Variants in FSD1 observed in about 807,000 individuals in gnomAD.
FSD1 encodes the protein fibronectin type III and SPRY domain-containing protein 1.
Under a neutral mutation model 58.2 loss-of-function variants are expected in FSD1, and 23 were observed. The ratio of observed to expected loss-of-function variants is 0.40; its 90% CI spans 0.28 to 0.56. FSD1 has a LOEUF of 0.56. Among genes scored for constraint, FSD1 ranks in the 20% least tolerant of loss-of-function variants. FSD1 has a pLI of 0.54. For missense variants in FSD1, 563 were observed against 670.8 expected (o/e 0.84, Z 1.78); for synonymous variants, 265 against 263.4 (o/e 1.01, Z -0.06).
Position 4,323,499 on chromosome 19 carries a change from T to TGTGGGGGGGGGG in FSD1, c.1381-33_1381-32insTGGGGGGGGGGG. The TGTGGGGGGGGGG allele has an allele frequency of 1.3e-6, 2 of 1,577,824 alleles. No homozygotes were observed. The highest frequency in any genetic ancestry group is 1.7e-6 in the Non-Finnish European group (2 of 1,148,728). On this transcript the variant is annotated intron_variant, in intron 12 of 12. Transcript: ENST00000221856. This position sits in a 1 kb window ranked among gnomAD's most constrained non-coding sequence, Gnocchi z 7.7. ...GGTGCTGGGCGCTGGGGTTTGAAGC[T>TGTGGGGGGGGGG]GAGCCCCTCCCCCCTCCCCCCGCTG...
chr19:4,305,018 C>G (rs12979273), intron 1 of FSD1, among the ~76,000 whole-genome samples: 1 of 141,880 alleles, frequency 7.0e-6, no homozygotes, highest in African/African-American at 2.6e-5. Context: ...AGTCCCATCC[C>G]TGACCCCCAT....
At chr19:4,306,165 G>C (rs887597557) in intron 2 of FSD1, 33 bp from the exon 3 acceptor site, 2 of 1,613,738 alleles carry the variant, frequency 1.2e-6, no homozygotes, top group Non-Finnish European at 1.7e-6. Context: ...CTCTGAACAC[G>C]GGCTTTGGCC....
At position 4,323,388 on chromosome 19, in the gene FSD1, G is replaced by GGTT; in HGVS notation, c.1332_1333insGTT (p.Leu444_His445insVal). 6.2e-7 allele frequency: 1 copy of GGTT among 1,613,848 alleles called. No homozygotes were observed. Among genetic ancestry groups the GGTT allele is most frequent in the Non-Finnish European group, 8.5e-7 (1 of 1,179,878 alleles). On this transcript the variant is annotated inframe_insertion, in exon 12 of 13. Coordinates refer to ENST00000221856, the MANE Select transcript of FSD1 (RefSeq NM_024333.3). This position sits in a 1 kb window ranked among gnomAD's most constrained non-coding sequence, Gnocchi z 7.7. ...ACAATGCCCGCACCAAACAAGTGCT[G>GGTT]CACACTTTCAAGACCAGGTTCACAC...
Position 4,316,911 on chromosome 19 carries a change from C to T in FSD1, c.701-271C>T, listed in dbSNP as rs565756842. On this transcript the variant is annotated intron_variant, in intron 7 of 12. Coordinates refer to ENST00000221856, the MANE Select transcript of FSD1 (RefSeq NM_024333.3). ...GATTACAGGCACACACCACCACGCCCGGCTAATTTTTTGCATTTTTAGTAG... is the reference window on the plus strand; with the variant it reads ...GATTACAGGCACACACCACCACGCCTGGCTAATTTTTTGCATTTTTAGTAG... Among the ~76,000 whole-genome samples the T allele has an allele frequency of 2.1e-3, 318 of 152,152 alleles. 6 individuals carry two copies. The highest frequency in any genetic ancestry group is 0.021 in the Admixed American group (315 of 15,276).
rs1436617226 is a variant in FSD1 at position 4,323,829 on chromosome 19, A to G, written c.*186A>G. ...CACCTCACCTCTTAATAAAGGTCAG[A>G]CACTGGCCAGGCGAGGCCGCGGTGC... On this transcript the variant is annotated 3_prime_UTR_variant, in exon 13 of 13. Coordinates refer to ENST00000221856, the MANE Select transcript of FSD1 (RefSeq NM_024333.3). This position sits in a 1 kb window ranked among gnomAD's most constrained non-coding sequence, Gnocchi z 7.7. 8.1e-6 allele frequency: 5 copies of G among 614,164 alleles called. No homozygotes were observed. Among genetic ancestry groups the G allele is most frequent in the Non-Finnish European group, 1.1e-5 (4 of 348,936 alleles). The allele number at this position is 614,164 out of a possible 1,614,324, so 38.0% of individuals were successfully genotyped here. A position where few individuals can be genotyped will look rare whatever the true frequency, so the allele number is the denominator to read the frequency against.
At chr19:4,310,437 T>C (rs1463409777) in intron 5 of FSD1, 38 bp from the exon 6 acceptor site, 2 of 1,606,326 alleles carry the variant, frequency 1.2e-6, no homozygotes, top group South Asian at 2.2e-5. Flanking sequence ...TGACCAGGCC[T>C]GGTCCCCCAC....
chr19:4,310,547 G>A lies in FSD1; in HGVS notation c.441G>A (p.Val147=), dbSNP rs749843804. ...KVSDNMSHLM[V]DFAQERQMLQ... ...GTGACAACATGAGTCACCTCATGGT[G>A]GACTTCGCGCAAGAGCGGCAGATGC... The change falls in exon 6 of 13, where the codon GTG becomes GTA. Residue 147 remains valine, a synonymous_variant. Transcript: ENST00000221856. 3.7e-6 allele frequency: 6 copies of A among 1,613,810 alleles called. No individual in the cohort carries two copies. Among genetic ancestry groups the A allele is most frequent in the South Asian group, 1.1e-5 (1 of 91,082 alleles).
chr19:4,307,035 G>T (rs1971630173), intron 3 of FSD1, among the ~76,000 whole-genome samples: 2 of 152,180 alleles, frequency 1.3e-5, no homozygotes, highest in South Asian at 4.1e-4. Context: ...GAGCTCGGAT[G>T]TGGCCTAGGC....
chr19:4,317,338 C>T (rs774386785), intron 8 of FSD1, 58 bp downstream of exon 8: 27 of 1,029,110 alleles, frequency 2.6e-5, no homozygotes, highest in Non-Finnish European at 3.8e-5. Context: ...CTCCCACAGC[C>T]CCCAGAGACC....
Position 4,310,574 on chromosome 19 carries a change from A to G in FSD1, c.468A>G (p.Leu156=), listed in dbSNP as rs1326740560. The change falls in exon 6 of 13, where the codon CTA becomes CTG. Residue 156 remains leucine (L), a synonymous_variant. Coordinates refer to ENST00000221856, the MANE Select transcript of FSD1 (RefSeq NM_024333.3). ...ACTTCGCGCAAGAGCGGCAGATGCT[A>G]CAGGCACTCAAGTTCCTGCCTGGTG... ...MVDFAQERQM[L]QALKFLPVPS... 2.5e-6 allele frequency: 4 copies of G among 1,613,488 alleles called. No individual in the cohort carries two copies. The highest frequency in any genetic ancestry group is 1.7e-5 in the Admixed American group (1 of 60,002).
intron 10 of FSD1, among the ~76,000 whole-genome samples, chr19:4,322,387 T>A (rs1377975922): frequency 1.3e-5 from 2 of 150,774 alleles, no homozygotes; most frequent in Admixed American, 1.3e-4. Flanking sequence ...GAGGAATAGC[T>A]GGAGCCCAAG....
intron 7 of FSD1, among the ~76,000 whole-genome samples, chr19:4,316,660 C>T (rs953173924): frequency 4.6e-5 from 7 of 151,816 alleles, no homozygotes; most frequent in Admixed American, 1.3e-4. Context: ...GATTGGTCTA[C>T]GTGGGTTGGA....
intron 3 of FSD1, 61 bp from the exon 4 acceptor site, chr19:4,307,821 C>A: frequency 7.8e-7 from 1 of 1,285,600 alleles, no homozygotes; most frequent in Non-Finnish European, 1.1e-6. Flanking sequence ...GGTGGGGAGC[C>A]CTCAGGGGGC....
chr19:4,318,797 T>G, intron 9 of FSD1, 75 bp from the exon 10 acceptor site: 1 of 1,200,602 alleles, frequency 8.3e-7, no homozygotes, highest in Non-Finnish European at 1.2e-6. Context: ...TGGGGTGGAC[T>G]AGGGTAGCCT....
At chr19:4,317,383 CAGG>C in intron 8 of FSD1, 103 bp downstream of exon 8, 1 of 731,590 alleles carries the variant, frequency 1.4e-6, no homozygotes, top group East Asian at 2.6e-5. Context: ...CCCTGGCTGC[CAGG>C]AAGCTCAAAG....
At chr19:4,320,716 C>G (rs758310382) in intron 10 of FSD1, among the ~76,000 whole-genome samples, 2 of 146,772 alleles carry the variant, frequency 1.4e-5, no homozygotes, top group Non-Finnish European at 3.0e-5. Context: ...GGAATAGCTG[C>G]AGCCTGAGGA....
At position 4,309,863 on chromosome 19, in the gene FSD1, C is replaced by T. The variant is rs1438984413; in HGVS notation, c.346-410C>T. On this transcript the variant is annotated intron_variant, in intron 4 of 12. Coordinates refer to ENST00000221856, the MANE Select transcript of FSD1 (RefSeq NM_024333.3). ...GGCGGAGCTTGCAGTGAGCCGAGATCGTGCCACTGCACTCCAGCCTGAACG... is the reference window on the plus strand; with the variant it reads ...GGCGGAGCTTGCAGTGAGCCGAGATTGTGCCACTGCACTCCAGCCTGAACG... Among the ~76,000 whole-genome samples the T allele has an allele frequency of 4.7e-5, 7 of 148,330 alleles. No homozygotes were observed. In the South Asian group the frequency reaches 8.5e-4, roughly 18 times the overall value.
At chr19:4,305,036 G>A (rs1173715346) in intron 1 of FSD1, among the ~76,000 whole-genome samples, 1 of 39,508 alleles carries the variant, frequency 2.5e-5, no homozygotes, top group Non-Finnish European at 4.8e-5. Flanking sequence ...CATCCCCCAC[G>A]CCCTCCCTCC....
At chr19:4,320,382 T>G (rs533600592) in intron 10 of FSD1, among the ~76,000 whole-genome samples, 3 of 152,072 alleles carry the variant, frequency 2.0e-5, no homozygotes, top group Non-Finnish European at 2.9e-5. Flanking sequence ...AGGGGGAGCA[T>G]CTGGACTCGA....
Sources: gnomAD v4.1 joint callset for allele counts (sites outside exome capture counted in the v4.1 genomes callset) on GRCh38, gnomAD v4.1.1 for gene constraint, Gnocchi (gnomAD v3.1) non-coding constraint, MANE v1.5 for transcripts, NCBI Gene and HGNC (gene_info 2026-07-23, HGNC 2026-07-21) for gene names.